FBXL7: variants seen among roughly 807,000 people sequenced by gnomAD.
FBXL7 encodes F-box/LRR-repeat protein 7.
FBXL7 carries 12 observed loss-of-function variants against 38.3 expected under a neutral mutation model. That is an observed-to-expected ratio of 0.31 (90% CI 0.20 to 0.51). FBXL7 has a LOEUF of 0.51. Among genes scored for constraint, FBXL7 ranks in the 20% least tolerant of loss-of-function variants. The pLI, the probability that FBXL7 is intolerant of heterozygous loss-of-function variation, is 0.98. For missense variants in FBXL7, 567 were observed against 676.4 expected (o/e 0.84, Z 1.79); for synonymous variants, 297 against 300.9 (o/e 0.99, Z 0.13).
At chr5:15,890,560 A>C (rs548153914) in intron 2 of FBXL7, among the ~76,000 whole-genome samples, 1 of 152,188 alleles carries the variant, frequency 6.6e-6, no homozygotes, top group South Asian at 2.1e-4. Flanking sequence ...TTCTTACAGG[A>C]GTGCAAGCCC....
In FBXL7 at chr5:15,853,681, A is replaced by G. The variant is rs770239167; in HGVS notation, c.128-74209A>G. Among the ~76,000 whole-genome samples, 7 of 152,184 alleles carry G rather than the reference A, an allele frequency of 4.6e-5. No homozygotes were observed. In the South Asian group the frequency reaches 1.4e-3, roughly 31 times the overall value. ...TGGATGCATGCTCTGACTTGAGAAG[A>G]AACGCCATTCACAGGGCTGGATTTT... On this transcript the variant is annotated intron_variant, in intron 2 of 3. Coordinates refer to ENST00000504595, the MANE Select transcript of FBXL7 (RefSeq NM_012304.5).
intron 2 of FBXL7, among the ~76,000 whole-genome samples, chr5:15,826,611 G>A (rs1324100964): frequency 6.6e-6 from 1 of 151,986 alleles, no homozygotes; most frequent in East Asian, 1.9e-4. Flanking sequence ...TAAAGACGGG[G>A]TTTCACCATG....
At chr5:15,885,705 G>A (rs184728069) in intron 2 of FBXL7, among the ~76,000 whole-genome samples, 1 of 152,134 alleles carries the variant, frequency 6.6e-6, no homozygotes, top group East Asian at 1.9e-4. Flanking sequence ...CCATATTATT[G>A]TTAGTCACAT....
At chr5:15,687,797 G>C (rs546932957) in intron 2 of FBXL7, among the ~76,000 whole-genome samples, 8 of 152,300 alleles carry the variant, frequency 5.3e-5, no homozygotes, top group African/African-American at 1.7e-4. Flanking sequence ...TCTAGCACCC[G>C]TGTCTATGTA....
intron 2 of FBXL7, among the ~76,000 whole-genome samples, chr5:15,802,061 A>G (rs765354857): frequency 9.9e-5 from 15 of 152,120 alleles, no homozygotes; most frequent in South Asian, 2.1e-4. Flanking sequence ...GGCATCCCCA[A>G]TTCTCACCTT....
At chr5:15,551,079 A>G (rs1466800287) in intron 1 of FBXL7, among the ~76,000 whole-genome samples, 1 of 152,210 alleles carries the variant, frequency 6.6e-6, no homozygotes, top group African/African-American at 2.4e-5. Context: ...ACCTCCTATT[A>G]GGAAGATCCT....
intron 2 of FBXL7, among the ~76,000 whole-genome samples, chr5:15,787,634 A>G (rs764955396): frequency 3.9e-5 from 6 of 152,246 alleles, no homozygotes; most frequent in Non-Finnish European, 8.8e-5. Context: ...GCTTTAAATT[A>G]TGGAGAAACC....
At chr5:15,759,312 C>T (rs1681017247) in intron 2 of FBXL7, among the ~76,000 whole-genome samples, 1 of 152,010 alleles carries the variant, frequency 6.6e-6, no homozygotes, top group South Asian at 2.1e-4. Context: ...GGAATCCAGT[C>T]CTATTAAATA....
At chr5:15,602,267 A>T (rs1056963290) in intron 1 of FBXL7, 1 of 152,044 alleles carries the variant, frequency 6.6e-6, no homozygotes, top group African/African-American at 2.4e-5. Flanking sequence ...GCATGTCACC[A>T]CGGGGACTCT....
chr5:15,774,154 T>C (rs1232271961), intron 2 of FBXL7, among the ~76,000 whole-genome samples: 1 of 152,132 alleles, frequency 6.6e-6, no homozygotes, highest in Admixed American at 6.5e-5. Context: ...TCTTTGATTT[T>C]TTTTTCAGCT....
intron 2 of FBXL7, among the ~76,000 whole-genome samples, chr5:15,634,144 G>A (rs1017479181): frequency 1.3e-5 from 2 of 151,868 alleles, no homozygotes; most frequent in Non-Finnish European, 1.5e-5. Flanking sequence ...ATTCTTTAAC[G>A]CATGCTAACA....
At chr5:15,775,384 T>TAC (rs61058450) in intron 2 of FBXL7, among the ~76,000 whole-genome samples, 28,773 of 150,722 alleles carry the variant, frequency 0.19, 2,677 homozygotes, top group South Asian at 0.24. Flanking sequence ...CCCCACCATA[T>TAC]ACACACACAC....
At chr5:15,815,332 C>G (rs1485406192) in intron 2 of FBXL7, among the ~76,000 whole-genome samples, 1 of 152,148 alleles carries the variant, frequency 6.6e-6, no homozygotes. Context: ...AAATAGCTGT[C>G]CAACCTCCAT....
At chr5:15,874,620 A>G (rs1285866863) in intron 2 of FBXL7, among the ~76,000 whole-genome samples, 1 of 152,140 alleles carries the variant, frequency 6.6e-6, no homozygotes, top group East Asian at 1.9e-4. Flanking sequence ...CTATACACCA[A>G]TAATAGACAA....
intron 2 of FBXL7, among the ~76,000 whole-genome samples, chr5:15,782,887 C>T (rs1737035280): frequency 6.6e-6 from 1 of 152,044 alleles, no homozygotes. Context: ...AAAAGTAAAT[C>T]TAGGAAATGA....
chr5:15,872,876 A>C (rs1740028399), intron 2 of FBXL7, among the ~76,000 whole-genome samples: 1 of 152,182 alleles, frequency 6.6e-6, no homozygotes, highest in Admixed American at 6.5e-5. Flanking sequence ...TATCAACAAG[A>C]CAGAAAATTA....
chr5:15,504,174 C>T (rs564629454), intron 1 of FBXL7, among the ~76,000 whole-genome samples: 26 of 152,232 alleles, frequency 1.7e-4, no homozygotes, highest in Middle Eastern at 3.2e-3. Flanking sequence ...TCAGCATCAA[C>T]TCCGGGGTGT....
chr5:15,599,527 T>C (rs1165227401), intron 1 of FBXL7, among the ~76,000 whole-genome samples: 1 of 152,194 alleles, frequency 6.6e-6, no homozygotes. Flanking sequence ...TAAAGTGGTT[T>C]GTAGTTTTGC....
chr5:15,810,823 A>T (rs1561135365), intron 2 of FBXL7, among the ~76,000 whole-genome samples: 1 of 152,134 alleles, frequency 6.6e-6, no homozygotes, highest in Admixed American at 6.6e-5. Flanking sequence ...CAAGGGACAG[A>T]TCTCTCTTAT....
Sources: gnomAD v4.1 joint callset for allele counts (sites outside exome capture counted in the v4.1 genomes callset) on GRCh38, gnomAD v4.1.1 for gene constraint, MANE v1.5 for transcripts, NCBI Gene and HGNC (gene_info 2026-07-23, HGNC 2026-07-21) for gene names.